Variants in FRMD7 observed in about 807,000 individuals in gnomAD.
The protein encoded by FRMD7 is FERM domain containing 7, also known as FERM domain-containing protein 7.
A neutral mutation model predicts 44.1 loss-of-function variants in FRMD7; 14 were observed. The ratio of observed to expected loss-of-function variants is 0.32; its 90% confidence interval spans 0.21 to 0.50. The LOEUF (loss-of-function observed/expected upper bound fraction) is 0.50. Ranked by LOEUF, FRMD7 falls within the 20% of genes least tolerant of loss-of-function variation. The probability of loss-of-function intolerance (pLI) is 0.99; values close to 1 mark genes in which losing one functional copy is unlikely to be tolerated. For missense variants in FRMD7, 501 were observed against 522.3 expected (o/e 0.96, Z 0.40); for synonymous variants, 212 against 187.4 (o/e 1.13, Z -1.07).
In FRMD7 at chrX:132,118,089, AAG is replaced by A. The variant is rs756318028; in HGVS notation, c.57+9697_57+9698del. Among the ~76,000 whole-genome samples, 617 of 111,560 alleles carry A rather than the reference AAG, an allele frequency of 5.5e-3. 3 individuals are homozygous for A. Among genetic ancestry groups the A allele is most frequent in the African/African-American group, 0.018 (564 of 30,675 alleles). The stretch of plus-strand genomic sequence containing the variant: ...TGGCAGTGGTAGTTCTTGCTTGGTA[AAG>A]TAGTGAAAGAATTATATGAACCCAA... On this transcript the variant is annotated intron_variant, in intron 1 of 11. Coordinates refer to ENST00000298542, the MANE Select transcript of FRMD7 (RefSeq NM_194277.3).
chrX:132,107,796 T>A (rs913864497), intron 1 of FRMD7, among the ~76,000 whole-genome samples: 1 of 111,638 alleles, frequency 9.0e-6, no homozygotes, highest in Non-Finnish European at 1.9e-5. Flanking sequence ...TACAAGTCAG[T>A]CTATAGCAAT....
In FRMD7 at chrX:132,085,450, A is replaced by T. The variant is rs994075035; in HGVS notation, c.645+131T>A. The T allele has an allele frequency of 1.1e-5, 6 of 565,256 alleles. No homozygotes were observed. In the South Asian group the frequency reaches 1.7e-4, roughly 16 times the overall value. 46.6% of individuals were successfully genotyped at this position (565,256 alleles called of 1,213,427 possible). ...TTTCATGCAACTACAAGTAAATATGATTGACCATTTCCCTTTCTGGCTGGT... is the reference window on the plus strand; with the variant it reads ...TTTCATGCAACTACAAGTAAATATGTTTGACCATTTCCCTTTCTGGCTGGT... On this transcript the variant is annotated intron_variant, in intron 7 of 11. Coordinates refer to ENST00000298542, the MANE Select transcript of FRMD7 (RefSeq NM_194277.3).
At chrX:132,119,877 A>G (rs1928992301) in intron 1 of FRMD7, among the ~76,000 whole-genome samples, 1 of 111,189 alleles carries the variant, frequency 9.0e-6, no homozygotes, top group Non-Finnish European at 1.9e-5. Context: ...GTGTAAATGA[A>G]CTGTTAAGGG....
chrX:132,117,726 A>T (rs773524362), intron 1 of FRMD7, among the ~76,000 whole-genome samples: 9 of 112,063 alleles, frequency 8.0e-5, no homozygotes, highest in East Asian at 5.6e-4. Flanking sequence ...CAACTTTTTT[A>T]AAAAAATGTA....
rs1429623769 is a variant in FRMD7 at position 132,078,768 on chromosome X, T to C, written c.1249A>G (p.Ile417Val). ...GTGTTAAAGACAGGGTCCATATAAA[T>C]AAAAGGGAAAGAGGAACTGCTTTGG... Reference protein sequence around the residue: ...QSQSSSSFPFIYMDPVFNTEP... With the variant: ...QSQSSSSFPFVYMDPVFNTEP... Residue 417 changes from isoleucine to valine, a missense_variant, in exon 12 of 12, where the codon ATT becomes GTT. Around this residue, in one of 3 missense-constraint regions of FRMD7, gnomAD observed 453 missense variants for 452.7 expected, o/e 1.00. Transcript: ENST00000298542. 3.3e-6 allele frequency: 4 copies of C among 1,211,087 alleles called. No individual in the cohort carries two copies.
chrX:132,110,774 A>G (rs1276964216), intron 1 of FRMD7, among the ~76,000 whole-genome samples: 3 of 112,400 alleles, frequency 2.7e-5, no homozygotes, highest in Non-Finnish European at 5.6e-5. Context: ...AACACTCCGT[A>G]GCCTTTGCAC....
At chrX:132,080,836 C>T (rs184528616) in intron 9 of FRMD7, among the ~76,000 whole-genome samples, 36 of 110,524 alleles carry the variant, frequency 3.3e-4, no homozygotes, top group African/African-American at 1.2e-3. Context: ...AATATATTTC[C>T]CTTTAAAGGC....
chrX:132,097,542 AT>A (rs778681115), intron 3 of FRMD7, among the ~76,000 whole-genome samples, 198 bp from the exon 4 acceptor site: 2 of 110,946 alleles, frequency 1.8e-5, no homozygotes, highest in African/African-American at 6.6e-5. Flanking sequence ...TTGTGTCTCT[AT>A]GTATATAGCG....
intron 1 of FRMD7, among the ~76,000 whole-genome samples, chrX:132,108,756 G>A (rs769976156): frequency 9.0e-6 from 1 of 111,041 alleles, no homozygotes; most frequent in Admixed American, 9.6e-5. Context: ...ATTGGATCAT[G>A]GGCGAGGTTT....
At chrX:132,084,913 A>T (rs1489703908) in intron 7 of FRMD7, among the ~76,000 whole-genome samples, 2 of 111,764 alleles carry the variant, frequency 1.8e-5, no homozygotes, top group Non-Finnish European at 3.8e-5. Context: ...TGCTAAAAAC[A>T]ATGTCCTCTT....
intron 4 of FRMD7, among the ~76,000 whole-genome samples, chrX:132,096,342 T>G (rs1928333005): frequency 9.0e-6 from 1 of 110,952 alleles, no homozygotes; most frequent in African/African-American, 3.3e-5. Context: ...GACAGTCATT[T>G]TAGCTCCCAT....
intron 4 of FRMD7, among the ~76,000 whole-genome samples, chrX:132,094,929 G>A (rs966973361): frequency 4.5e-5 from 5 of 111,410 alleles, no homozygotes; most frequent in African/African-American, 6.5e-5. Flanking sequence ...CTGCTAAACA[G>A]ATAACATTTA....
chrX:132,097,392 C>A, intron 3 of FRMD7, 48 bp from the exon 4 acceptor site: 3 of 702,291 alleles, frequency 4.3e-6, no homozygotes, highest in Non-Finnish European at 6.9e-6. Flanking sequence ...TCCATCACAA[C>A]AGTTATAGGT....
chrX:132,095,536 C>T (rs1183922245), intron 4 of FRMD7, among the ~76,000 whole-genome samples: 1 of 111,954 alleles, frequency 8.9e-6, no homozygotes, highest in Non-Finnish European at 1.9e-5. Flanking sequence ...CAAAATTAAT[C>T]GCAAGTGATA....
chrX:132,109,463 A>G (rs781257349), intron 1 of FRMD7, among the ~76,000 whole-genome samples: 124 of 111,351 alleles, frequency 1.1e-3, no homozygotes, highest in African/African-American at 3.9e-3. Flanking sequence ...CTTTTTGTGT[A>G]TGCCATTACC....
At chrX:132,092,216 C>T (rs1254603333) in intron 5 of FRMD7, among the ~76,000 whole-genome samples, 1 of 111,844 alleles carries the variant, frequency 8.9e-6, no homozygotes, top group Non-Finnish European at 1.9e-5. Flanking sequence ...AAATGTTCAG[C>T]TTGTGTTTGG....
chrX:132,117,625 G>GTACTCC (rs1278726966), intron 1 of FRMD7, among the ~76,000 whole-genome samples: 3 of 111,466 alleles, frequency 2.7e-5, no homozygotes, highest in Non-Finnish European at 5.7e-5. Context: ...AAGAAATAAG[G>GTACTCC]TACTCCTAAT....
Position 132,077,775 on chromosome X carries a change from T to C in FRMD7, c.*97A>G. On this transcript the variant is annotated 3_prime_UTR_variant, in exon 12 of 12. Transcript: ENST00000298542. ...ATGAGATTTCCTTAATACCAATGAA[T>C]ATGTAGTAACCAAGAAAATGGTTTC... is the stretch of plus-strand genomic sequence containing the variant. 8.7e-7 allele frequency: 1 copy of C among 1,146,446 alleles called. No homozygotes were observed. The highest frequency in any genetic ancestry group is 1.2e-6 in the Non-Finnish European group (1 of 846,037). 94.5% of individuals were successfully genotyped at this position (1,146,446 alleles called of 1,213,427 possible).
intron 2 of FRMD7, 42 bp downstream of exon 2, chrX:132,100,570 G>A (rs1928471153): frequency 3.3e-6 from 3 of 911,515 alleles, no homozygotes. Context: ...GCATTTAGAA[G>A]CAATGCTAGA....
Sources: allele counts gnomAD v4.1 joint callset (sites outside exome capture counted in the v4.1 genomes callset), GRCh38; gene constraint gnomAD v4.1.1; regional missense constraint gnomAD v4.1.1; transcripts MANE v1.5; gene names NCBI Gene and HGNC (gene_info 2026-07-23, HGNC 2026-07-21).